RBFOX1: variants seen among roughly 807,000 people sequenced by gnomAD.
RBFOX1 encodes the protein RNA binding fox-1 homolog 1, also known as RNA binding protein fox-1 homolog 1.
Under a neutral mutation model 57.7 loss-of-function variants are expected in RBFOX1, and 8 were observed. The ratio of observed to expected loss-of-function variants is 0.14; its 90% confidence interval spans 0.08 to 0.25. The LOEUF (loss-of-function observed/expected upper bound fraction) is 0.25, where lower values mean the gene tolerates loss of function less well. Among genes scored for constraint, RBFOX1 ranks in the 10% least tolerant of loss-of-function variants. The pLI, the probability that RBFOX1 is intolerant of heterozygous loss-of-function variation, is 1.00. For synonymous variants in RBFOX1, 326 were observed against 222.4 expected (o/e 1.47, Z -4.15); for missense variants, 611 against 548.5 (o/e 1.11, Z -1.14).
intron 4 of RBFOX1, among the ~76,000 whole-genome samples, chr16:5,921,816 G>C (rs1246007065): frequency 6.6e-6 from 1 of 152,074 alleles, no homozygotes; most frequent in South Asian, 2.1e-4. Context: ...GTGAGAGGGA[G>C]GGAGCAAGAG....
chr16:7,543,511 G>C (rs1939747129), intron 5 of RBFOX1, among the ~76,000 whole-genome samples: 1 of 152,124 alleles, frequency 6.6e-6, no homozygotes, highest in Admixed American at 6.6e-5. Flanking sequence ...TTTCAGAGGA[G>C]ACAATGGAAT....
chr16:7,318,075 AGTG>A (rs1376838387), intron 4 of RBFOX1, among the ~76,000 whole-genome samples: 1 of 150,752 alleles, frequency 6.6e-6, no homozygotes, highest in Non-Finnish European at 1.5e-5. Flanking sequence ...CGGTGGTAGT[AGTG>A]GTGATGAAGG....
chr16:6,891,359 G>C (rs2065367381), intron 3 of RBFOX1, among the ~76,000 whole-genome samples: 1 of 152,066 alleles, frequency 6.6e-6, no homozygotes, highest in South Asian at 2.1e-4. Context: ...ATCGATATAA[G>C]ATACAGACAC....
At chr16:7,360,045 C>T (rs764338201) in intron 4 of RBFOX1, among the ~76,000 whole-genome samples, 7 of 151,918 alleles carry the variant, frequency 4.6e-5, no homozygotes, top group Non-Finnish European at 8.8e-5. Context: ...TTTTTAATTA[C>T]ACTATATAGT....
chr16:7,155,385 T>C (rs1601268180), intron 4 of RBFOX1, among the ~76,000 whole-genome samples: 1 of 151,704 alleles, frequency 6.6e-6, no homozygotes. Context: ...AGCCAGGAGT[T>C]CAAAACCAGC....
chr16:6,873,195 A>G (rs1313260509), intron 3 of RBFOX1, among the ~76,000 whole-genome samples: 1 of 151,710 alleles, frequency 6.6e-6, no homozygotes, highest in Admixed American at 6.6e-5. Flanking sequence ...ATAAACGAGG[A>G]GTAGAGATTT....
At chr16:5,968,812 T>C (rs1263400712) in intron 4 of RBFOX1, among the ~76,000 whole-genome samples, 1 of 152,154 alleles carries the variant, frequency 6.6e-6, no homozygotes, top group African/African-American at 2.4e-5. Context: ...TCTTGTTTTC[T>C]CTTTCTTTTT....
In RBFOX1 at chr16:7,190,757, T is replaced by A. The variant is rs890271251; in HGVS notation, c.27+138659T>A. Among the ~76,000 whole-genome samples the A allele has an allele frequency of 2.6e-5, 4 of 152,160 alleles. No homozygotes were observed. In the South Asian group the frequency reaches 8.3e-4, roughly 32 times the overall value. On this transcript the variant is annotated intron_variant, in intron 4 of 15. Coordinates refer to ENST00000550418, the MANE Select transcript of RBFOX1 (RefSeq NM_018723.4). Reference sequence around the variant, plus strand: ...CATGGTTCTAGGTTTGTAGAGCAAGTTTTTAATTCGGGTTTATGGCATTGC... The same window carrying A: ...CATGGTTCTAGGTTTGTAGAGCAAGATTTTAATTCGGGTTTATGGCATTGC...
At chr16:7,414,547 T>C (rs189450825) in intron 4 of RBFOX1, among the ~76,000 whole-genome samples, 268 of 152,338 alleles carry the variant, frequency 1.8e-3, no homozygotes, top group African/African-American at 5.7e-3. Flanking sequence ...CCAACCAATA[T>C]AGTAGGAACT....
chr16:6,803,104 G>T (rs1168840361), intron 3 of RBFOX1, among the ~76,000 whole-genome samples: 1 of 152,018 alleles, frequency 6.6e-6, no homozygotes, highest in African/African-American at 2.4e-5. Flanking sequence ...CCACTCTGCA[G>T]ACTCAAAACC....
intron 2 of RBFOX1, among the ~76,000 whole-genome samples, chr16:5,558,272 C>G (rs941694695): frequency 3.9e-5 from 6 of 152,178 alleles, no homozygotes; most frequent in Non-Finnish European, 8.8e-5. Context: ...GCATGCAGAG[C>G]TGAAAGAGCA....
chr16:5,506,324 C>G (rs11647701), intron 2 of RBFOX1, among the ~76,000 whole-genome samples: 1,907 of 152,282 alleles, frequency 0.013, 17 homozygotes, highest in Middle Eastern at 0.031. Context: ...ACGTAAGTCG[C>G]GGATAGCTCC....
Position 6,920,523 on chromosome 16 carries a change from A to G in RBFOX1, c.-15-131534A>G, listed in dbSNP as rs531019236. On this transcript the variant is annotated intron_variant, in intron 3 of 15. Coordinates refer to ENST00000550418, the MANE Select transcript of RBFOX1 (RefSeq NM_018723.4). ...GCTCTTGTAATTGCCAAGGGCTACCATAACAAATGACCAGCTAGTGGCAGG... is the reference window on the plus strand; with the variant it reads ...GCTCTTGTAATTGCCAAGGGCTACCGTAACAAATGACCAGCTAGTGGCAGG... Among the ~76,000 whole-genome samples the G allele has an allele frequency of 4.4e-4, 67 of 152,344 alleles. 1 individual carries two copies. The South Asian group carries it at 0.011, about 25-fold the overall frequency.
chr16:7,568,068 A>G (rs1315147204), intron 5 of RBFOX1, among the ~76,000 whole-genome samples: 2 of 152,078 alleles, frequency 1.3e-5, no homozygotes, highest in African/African-American at 4.8e-5. Context: ...TTCTATTGCT[A>G]CTGGAAAGGG....
At chr16:6,944,198 C>T (rs1040258784) in intron 3 of RBFOX1, among the ~76,000 whole-genome samples, 15 of 151,824 alleles carry the variant, frequency 9.9e-5, no homozygotes, top group African/African-American at 3.6e-4. Flanking sequence ...AGTTCAAGAT[C>T]AGCCTGCCCA....
At chr16:7,437,377 A>T (rs2058300) in intron 4 of RBFOX1, among the ~76,000 whole-genome samples, 53,694 of 151,728 alleles carry the variant, frequency 0.35, 9,757 homozygotes, top group South Asian at 0.43. Context: ...CTTCCATCGC[A>T]CAGTGAATCA....
intron 3 of RBFOX1, among the ~76,000 whole-genome samples, chr16:6,914,574 AC>A (rs1247251463): frequency 3.8e-4 from 57 of 149,394 alleles, no homozygotes; most frequent in African/African-American, 1.4e-3. Flanking sequence ...AAAAAAAAAA[AC>A]CCAAAACAGG....
chr16:6,303,209 T>C (rs779711376), intron 1 of RBFOX1, among the ~76,000 whole-genome samples: 1 of 152,220 alleles, frequency 6.6e-6, no homozygotes, highest in Non-Finnish European at 1.5e-5. Context: ...CTGAAGAAAA[T>C]ATGATGTCCA....
chr16:7,611,653 A>C (rs568587559), intron 10 of RBFOX1, among the ~76,000 whole-genome samples: 1 of 152,156 alleles, frequency 6.6e-6, no homozygotes, highest in Admixed American at 6.5e-5. Context: ...TTTTATTGCA[A>C]ACTTGGGTGG....
Sources: allele counts gnomAD v4.1 joint callset (sites outside exome capture counted in the v4.1 genomes callset), GRCh38; gene constraint gnomAD v4.1.1; transcripts MANE v1.5; gene names NCBI Gene and HGNC (gene_info 2026-07-23, HGNC 2026-07-21).